Variants in LRRC42 observed in about 807,000 individuals in gnomAD.
LRRC42 encodes leucine rich repeat containing 42, also known as leucine-rich repeat-containing protein 42.
LRRC42 carries 43 observed loss-of-function variants against 44.3 expected under a neutral mutation model. The ratio of observed to expected loss-of-function variants is 0.97; its 90% confidence interval spans 0.76 to 1.25. LRRC42 has a LOEUF of 1.25. Ranked by LOEUF, LRRC42 falls within the 50% of genes most tolerant of loss-of-function variation. The probability of loss-of-function intolerance (pLI) is 0.00; values close to 1 mark genes in which losing one functional copy is unlikely to be tolerated. For missense variants in LRRC42, 540 were observed against 509.1 expected, an observed-to-expected ratio of 1.06 and a Z score of -0.58; for synonymous variants, 207 against 195.2, an observed-to-expected ratio of 1.06 and a Z score of -0.50.
intron 8 of LRRC42, among the ~76,000 whole-genome samples, chr1:53,967,311 T>C (rs1260985980): frequency 2.6e-5 from 4 of 152,224 alleles, no homozygotes; most frequent in African/African-American, 9.7e-5. Context: ...TCAAGCATTG[T>C]GCTAATCACT....
At position 53,967,525 on chromosome 1, in the gene LRRC42, A is replaced by T. The variant is rs944843675; in HGVS notation, c.1013-140A>T. ...GCCATGCACACCACAGCGACCTCAC[A>T]GGGCACTCAAGGCAAAATGCAATCA... On this transcript the variant is annotated intron_variant, in intron 8 of 8. Coordinates refer to ENST00000371370, the MANE Select transcript of LRRC42 (RefSeq NM_001256409.2). 2.3e-5 allele frequency: 18 copies of T among 773,928 alleles called. No homozygotes were observed. In the Admixed American group the frequency reaches 2.8e-4, roughly 12 times the overall value. The allele number at this position is 773,928 out of a possible 1,614,324, so 47.9% of individuals were successfully genotyped here.
chr1:53,958,133 T>A lies in LRRC42; in HGVS notation c.474-16T>A. 1.2e-6 allele frequency: 2 copies of A among 1,613,188 alleles called. No homozygotes were observed. The highest frequency in any genetic ancestry group is 1.7e-6 in the Non-Finnish European group (2 of 1,179,422). ...GTAGTGAGGGGAAGCTATTGATTGC[T>A]CTCCACGCTCCGTAGGTATCTCGTG... On this transcript the variant is annotated splice_polypyrimidine_tract_variant and intron_variant, in intron 3 of 8. Transcript: ENST00000371370.
At chr1:53,955,866 G>C (rs928351298) in intron 3 of LRRC42, among the ~76,000 whole-genome samples, 1 of 152,056 alleles carries the variant, frequency 6.6e-6, no homozygotes, top group African/African-American at 2.4e-5. Context: ...CTGACCTTGT[G>C]ATCCACCCGC....
intron 7 of LRRC42, among the ~76,000 whole-genome samples, chr1:53,963,351 G>A (rs1655044477): frequency 6.6e-6 from 1 of 152,224 alleles, no homozygotes; most frequent in African/African-American, 2.4e-5. Flanking sequence ...AGTGGATGTG[G>A]GACAGGTGTG....
chr1:53,966,368 G>A lies in LRRC42; in HGVS notation c.1000G>A (p.Ala334Thr). The change falls in exon 8 of 9, where the codon GCT becomes ACT. Residue 334 changes from alanine (A) to threonine (T), a missense_variant. Physicochemically the swap from Ala to Thr is moderately conservative, Grantham distance 58 (BLOSUM62 0). Coordinates refer to ENST00000371370, the MANE Select transcript of LRRC42 (RefSeq NM_001256409.2). ...PRETSEPRAA[A>T]QRFYGKRSRA... ...GGAGACCTCGGAGCCTAGAGCAGCAGCTCAGCGCTTCTGTGAGAAATTCCC... is the reference window on the plus strand; with the variant it reads ...GGAGACCTCGGAGCCTAGAGCAGCAACTCAGCGCTTCTGTGAGAAATTCCC... The A allele has an allele frequency of 6.2e-7, 1 of 1,613,338 alleles. No individual in the cohort carries two copies. The highest frequency in any genetic ancestry group is 2.2e-5 in the East Asian group (1 of 44,874).
intron 5 of LRRC42, 81 bp from the exon 6 acceptor site, chr1:53,961,953 C>A: frequency 9.9e-7 from 1 of 1,012,808 alleles, no homozygotes; most frequent in Non-Finnish European, 1.5e-6. Flanking sequence ...ATTGCCCGGA[C>A]GTTTTTCTGA....
chr1:53,956,620 T>C (rs1229555069), intron 3 of LRRC42, among the ~76,000 whole-genome samples: 1 of 152,172 alleles, frequency 6.6e-6, no homozygotes, highest in Non-Finnish European at 1.5e-5. Flanking sequence ...TTCCGAACCC[T>C]TTAAGGGAAA....
At chr1:53,957,588 G>C (rs1391328197) in intron 3 of LRRC42, among the ~76,000 whole-genome samples, 2 of 152,194 alleles carry the variant, frequency 1.3e-5, no homozygotes, top group Non-Finnish European at 2.9e-5. Flanking sequence ...TAGCAGTCTT[G>C]CTGTACATAC....
intron 7 of LRRC42, among the ~76,000 whole-genome samples, chr1:53,964,377 G>T (rs896750691): frequency 3.9e-5 from 6 of 152,030 alleles, no homozygotes; most frequent in African/African-American, 1.5e-4. Flanking sequence ...TCCTTGCGAG[G>T]ATGACTCTGC....
chr1:53,946,888 G>A (rs1338219448), intron 1 of LRRC42, among the ~76,000 whole-genome samples: 1 of 149,066 alleles, frequency 6.7e-6, no homozygotes, highest in East Asian at 2.0e-4. Context: ...GTTCAAGGAG[G>A]AAACGAGATA....
In LRRC42 at chr1:53,950,792, C is replaced by T. The variant is rs1381110024; in HGVS notation, c.-14-1194C>T. 3.3e-5 allele frequency among the ~76,000 whole-genome samples: 5 copies of T among 152,208 alleles called. 1 individual carries two copies. The highest frequency in any genetic ancestry group is 3.3e-4 in the Admixed American group (5 of 15,288). ...TGGGCATATATTATTACCCACATGACTGCAGAAATGCCCAACTGTTTGACT... is the reference window on the plus strand; with the variant it reads ...TGGGCATATATTATTACCCACATGATTGCAGAAATGCCCAACTGTTTGACT... On this transcript the variant is annotated intron_variant, in intron 2 of 8. Transcript: ENST00000371370.
intron 3 of LRRC42, among the ~76,000 whole-genome samples, chr1:53,957,681 T>C (rs1435098745): frequency 6.6e-6 from 1 of 152,216 alleles, no homozygotes; most frequent in Non-Finnish European, 1.5e-5. Flanking sequence ...TCTTGGTATG[T>C]TCTTGGGGAC....
intron 4 of LRRC42, among the ~76,000 whole-genome samples, chr1:53,958,977 C>T (rs1461163834): frequency 6.6e-6 from 1 of 152,154 alleles, no homozygotes; most frequent in Non-Finnish European, 1.5e-5. Context: ...CCTCCACCTC[C>T]AGGTTCAAGC....
chr1:53,949,014 C>T (rs2100915005), intron 2 of LRRC42, among the ~76,000 whole-genome samples: 1 of 152,246 alleles, frequency 6.6e-6, no homozygotes, highest in South Asian at 2.1e-4. Flanking sequence ...TGTGGGTTTA[C>T]TCTCCAGGAA....
In LRRC42 at chr1:53,960,458, A is replaced by G; in HGVS notation, c.708A>G (p.Thr236=). The G allele has an allele frequency of 6.2e-7, 1 of 1,607,206 alleles. No individual in the cohort carries two copies. Among genetic ancestry groups the G allele is most frequent in the Non-Finnish European group, 8.5e-7 (1 of 1,174,568 alleles). Residue 236 remains threonine (T), a synonymous_variant, in exon 5 of 9, where the codon ACA becomes ACG. Transcript: ENST00000371370. ...TGAAAAGAGGCCTTGAGAATCTAACATTATTAGACTTATCATGTAAGTTTT... is the reference window on the plus strand; with the variant it reads ...TGAAAAGAGGCCTTGAGAATCTAACGTTATTAGACTTATCATGTAAGTTTT... ...RVMKRGLENL[T]LLDLSCNPEI... is the part of the protein sequence containing the mutation.
chr1:53,959,889 C>G (rs1309748709), intron 4 of LRRC42, among the ~76,000 whole-genome samples: 2 of 151,764 alleles, frequency 1.3e-5, no homozygotes, highest in East Asian at 3.9e-4. Context: ...AATTAACTCT[C>G]ACTTGGTAAC....
At chr1:53,962,881 T>C (rs1240449558) in intron 7 of LRRC42, among the ~76,000 whole-genome samples, 1 of 152,180 alleles carries the variant, frequency 6.6e-6, no homozygotes, top group Non-Finnish European at 1.5e-5. Context: ...TTCTTGTCCT[T>C]CTCTCACTGA....
chr1:53,952,794 C>G (rs1457288341), intron 3 of LRRC42, among the ~76,000 whole-genome samples: 2 of 152,168 alleles, frequency 1.3e-5, no homozygotes, highest in African/African-American at 4.8e-5. Flanking sequence ...TTGATACGCT[C>G]TTACAGATGG....
chr1:53,950,356 G>A (rs577207591), intron 2 of LRRC42, among the ~76,000 whole-genome samples: 39 of 152,362 alleles, frequency 2.6e-4, no homozygotes, highest in Non-Finnish European at 2.9e-5. Flanking sequence ...GCAGGAAAGG[G>A]TGAGGCTCTA....
Sources: gnomAD v4.1 joint callset for allele counts (sites outside exome capture counted in the v4.1 genomes callset) on GRCh38, gnomAD v4.1.1 for gene constraint, MANE v1.5 for transcripts, NCBI Gene and HGNC (gene_info 2026-07-23, HGNC 2026-07-21) for gene names.